Variants in PRR5 observed in about 807,000 individuals in gnomAD.
The protein encoded by PRR5 is proline rich 5.
PRR5 carries 25 observed loss-of-function variants against 30.6 expected under a neutral mutation model. That is an observed-to-expected ratio of 0.82 (90% CI 0.60 to 1.14). PRR5 has a LOEUF of 1.14. Among genes scored for constraint, PRR5 ranks in the 50% most tolerant of loss-of-function variants. The probability of loss-of-function intolerance (pLI) is 0.00; values close to 1 mark genes in which losing one functional copy is unlikely to be tolerated. For synonymous variants in PRR5, 286 were observed against 247.1 expected (o/e 1.16, Z -1.48); for missense variants, 600 against 547.1 (o/e 1.10, Z -0.96).
At chr22:44,692,379 G>T (rs1278571973) in intron 1 of PRR5, among the ~76,000 whole-genome samples, 1 of 116,680 alleles carries the variant, frequency 8.6e-6, no homozygotes, top group Non-Finnish European at 1.7e-5. Flanking sequence ...TCCTCCTCCC[G>T]GGGCTCCTCC....
chr22:44,722,842 TC>T lies in PRR5; in HGVS notation c.216-2399del, dbSNP rs770143011. On this transcript the variant is annotated intron_variant, in intron 2 of 7. Coordinates refer to ENST00000336985, the MANE Select transcript of PRR5 (RefSeq NM_181333.4). ...AGCAAGCCTTATTTGGGCTTTTTTT[TC>T]CCAGCATGTTGCTTTTGAAAACTCC... is the stretch of plus-strand genomic sequence containing the variant. Among the ~76,000 whole-genome samples the T allele has an allele frequency of 5.9e-5, 9 of 152,270 alleles. 1 individual carries two copies. The highest frequency in any genetic ancestry group is 1.7e-4 in the African/African-American group (7 of 41,556).
chr22:44,736,766 C>G lies in PRR5; in HGVS notation c.692-6C>G. The G allele has an allele frequency of 6.5e-7, 1 of 1,535,560 alleles. No homozygotes were observed. Among genetic ancestry groups the G allele is most frequent in the Non-Finnish European group, 8.8e-7 (1 of 1,137,768 alleles). On this transcript the variant is annotated splice_polypyrimidine_tract_variant and splice_region_variant and intron_variant, in intron 7 of 7. Coordinates refer to ENST00000336985, the MANE Select transcript of PRR5 (RefSeq NM_181333.4). ...CTGGTGTGACAGTGCCCGTGTCTCT[C>G]CCCAGAAAAGCGCCTCCTCCGCCGC...
intron 1 of PRR5, among the ~76,000 whole-genome samples, chr22:44,687,814 G>A (rs530291036): frequency 7.9e-5 from 12 of 152,156 alleles, no homozygotes; most frequent in East Asian, 2.0e-4. Context: ...TCACTCCGTC[G>A]CCCAGGCTGG....
intron 3 of PRR5, among the ~76,000 whole-genome samples, chr22:44,725,530 G>A (rs1048201465): frequency 6.6e-6 from 1 of 152,246 alleles, no homozygotes; most frequent in African/African-American, 2.4e-5. Context: ...GAGTGCAATG[G>A]CGTGATCCCA....
chr22:44,719,565 C>T (rs999644403), intron 2 of PRR5, among the ~76,000 whole-genome samples: 5 of 152,208 alleles, frequency 3.3e-5, no homozygotes, highest in African/African-American at 1.2e-4. Context: ...CCGTGAGGTC[C>T]GTTTCCCCTG....
At position 44,692,091 on chromosome 22, in the gene PRR5, G is replaced by A. The variant is rs73171599; in HGVS notation, c.-10-10401G>A. Among the ~76,000 whole-genome samples the A allele has an allele frequency of 5.2e-3, 794 of 151,928 alleles. 4 individuals are homozygous for A. Among genetic ancestry groups the A allele is most frequent in the Non-Finnish European group, 8.7e-3 (588 of 67,914 alleles). On this transcript the variant is annotated intron_variant, in intron 1 of 8. Transcript: ENST00000006251. The stretch of plus-strand genomic sequence containing the variant: ...CTGTTTGGAGGAGCGATGAAAGAAC[G>A]AGTGAAAAAGCACTGCCTAAGCCCT...
chr22:44,726,014 T>C (rs374959106), intron 3 of PRR5, among the ~76,000 whole-genome samples: 5 of 152,200 alleles, frequency 3.3e-5, no homozygotes, highest in East Asian at 3.9e-4. Context: ...CGGACTTTTG[T>C]CTGGACTCTT....
intron 1 of PRR5, among the ~76,000 whole-genome samples, chr22:44,683,402 C>G (rs1924462117): frequency 6.6e-6 from 1 of 152,238 alleles, no homozygotes; most frequent in African/African-American, 2.4e-5. Context: ...AGGCTTCTTG[C>G]CTTGGCCCCC....
At chr22:44,718,059 G>A (rs1197218254) in intron 2 of PRR5, among the ~76,000 whole-genome samples, 1 of 152,120 alleles carries the variant, frequency 6.6e-6, no homozygotes. Flanking sequence ...TCTATCGTGT[G>A]TATGGAAAGC....
intron 2 of PRR5, among the ~76,000 whole-genome samples, chr22:44,718,192 CTT>C (rs34868054): frequency 3.1e-4 from 29 of 94,578 alleles, no homozygotes; most frequent in African/African-American, 1.1e-3. Context: ...TTTCATCTCT[CTT>C]TTTTTTTTTT....
At chr22:44,696,497 T>G (rs1490462140) in intron 1 of PRR5, among the ~76,000 whole-genome samples, 2 of 152,108 alleles carry the variant, frequency 1.3e-5, no homozygotes, top group Non-Finnish European at 2.9e-5. Flanking sequence ...GTCTGGTGTA[T>G]TAAGACCAGG....
intron 2 of PRR5, among the ~76,000 whole-genome samples, chr22:44,715,515 G>T (rs546156879): frequency 5.0e-4 from 76 of 152,262 alleles, no homozygotes; most frequent in Non-Finnish European, 9.6e-4. Context: ...CCCAATACAT[G>T]CCGCTTGTTC....
At chr22:44,711,779 C>A (rs1928277300) in intron 1 of PRR5, among the ~76,000 whole-genome samples, 1 of 152,098 alleles carries the variant, frequency 6.6e-6, no homozygotes, top group South Asian at 2.1e-4. Context: ...GCCAGGAGTA[C>A]CTCCACTCGC....
chr22:44,706,311 C>T (rs1466627873), intron 1 of PRR5, among the ~76,000 whole-genome samples: 2 of 152,160 alleles, frequency 1.3e-5, no homozygotes, highest in Admixed American at 6.5e-5. Context: ...TGTGCCAGCA[C>T]TGGGCTGCTC....
intron 1 of PRR5, among the ~76,000 whole-genome samples, chr22:44,690,231 G>T (rs1343678278): frequency 6.6e-6 from 1 of 152,162 alleles, no homozygotes; most frequent in Non-Finnish European, 1.5e-5. Context: ...CCGGATCAGG[G>T]ATCCCCAGCT....
rs1920925720 is a variant in PRR5, at chr22:44,725,306, G to A, written c.264+14G>A. 6.2e-7 allele frequency: 1 copy of A among 1,612,484 alleles called. No homozygotes were observed. The highest frequency in any genetic ancestry group is 8.5e-7 in the Non-Finnish European group (1 of 1,179,922). On this transcript the variant is annotated intron_variant, in intron 3 of 7. Coordinates refer to ENST00000336985, the MANE Select transcript of PRR5 (RefSeq NM_181333.4). The stretch of plus-strand genomic sequence containing the variant: ...GAGTACCTGCAGGTAGGTGGGTCTT[G>A]CTCCAGCCAGGCTGGGCCTGCCTCA...
chr22:44,692,349 G>C (rs1350740145), intron 1 of PRR5, among the ~76,000 whole-genome samples: 1 of 108,700 alleles, frequency 9.2e-6, no homozygotes, highest in African/African-American at 3.7e-5. Context: ...GCTCCTCCTG[G>C]GGGCTCCTCC....
intron 1 of PRR5, among the ~76,000 whole-genome samples, chr22:44,707,966 C>G (rs1017913107): frequency 2.6e-5 from 4 of 152,060 alleles, no homozygotes; most frequent in African/African-American, 9.7e-5. Context: ...CGTGCAGGGC[C>G]GGCGATGATT....
intron 4 of PRR5, chr22:44,730,792 AGAG>A (rs1193558540): frequency 1.7e-6 from 1 of 600,296 alleles, no homozygotes; most frequent in African/African-American, 2.0e-5. Flanking sequence ...GACCACAGGC[AGAG>A]CTGGCCTGGC....
Sources: allele counts gnomAD v4.1 joint callset (sites outside exome capture counted in the v4.1 genomes callset), GRCh38; gene constraint gnomAD v4.1.1; transcripts MANE v1.5; gene names NCBI Gene and HGNC (gene_info 2026-07-23, HGNC 2026-07-21).